Variants in VPS37A observed in about 807,000 individuals in gnomAD.
The protein encoded by VPS37A is vacuolar protein sorting-associated protein 37A.
VPS37A carries 30 observed loss-of-function variants against 49.8 expected under a neutral mutation model. The ratio of observed to expected loss-of-function variants is 0.60; its 90% confidence interval spans 0.45 to 0.82. The LOEUF is 0.82. Among genes scored for constraint, VPS37A ranks in the 40% least tolerant of loss-of-function variants. VPS37A has a pLI of 0.00. For missense variants in VPS37A, 593 were observed against 464.4 expected (o/e 1.28, Z -2.55); for synonymous variants, 195 against 160.6 (o/e 1.21, Z -1.62).
At position 17,247,011 on chromosome 8, in the gene VPS37A, T is replaced by TG. The variant is rs1451791026; in HGVS notation, c.-231dup. The TG allele has an allele frequency of 5.3e-6, 3 of 570,312 alleles. No individual in the cohort carries two copies. The highest frequency in any genetic ancestry group is 2.0e-5 in the South Asian group (1 of 49,408). 35.3% of individuals were successfully genotyped at this position (570,312 alleles called of 1,614,324 possible). ...GGTTTGGGCGTCTGGGCCGTGAAGG[T>TG]GGGACCTCCTGTTCCGGGCCGCAAG... On this transcript the variant is annotated 5_prime_UTR_variant, in exon 1 of 12. Transcript: ENST00000324849.
Position 17,267,467 on chromosome 8 carries a change from T to TTGTGTG in VPS37A, c.201-777_201-772dup, listed in dbSNP as rs10688047. Among the ~76,000 whole-genome samples, 2,062 of 151,412 alleles carry TTGTGTG rather than the reference T, an allele frequency of 0.014. 126 individuals carry two copies. In the East Asian group the frequency reaches 0.17, roughly 13 times the overall value. ...GTTCAAAAAAGGTTAAAATTTCTGC[T>TTGTGTG]TGTGTGTGTGTGTGTGTGTTGAAAA... On this transcript the variant is annotated intron_variant, in intron 2 of 11. Transcript: ENST00000324849.
At chr8:17,311,401 A>G in the VPS37A span, 1 of 1,454,944 alleles carries the variant, frequency 6.9e-7, no homozygotes, top group Non-Finnish European at 9.4e-7. Context: ...TGAGCTACTA[A>G]AAGAAAAATA....
At chr8:17,252,107 A>G (rs1384341777) in intron 1 of VPS37A, among the ~76,000 whole-genome samples, 1 of 152,210 alleles carries the variant, frequency 6.6e-6, no homozygotes, top group East Asian at 1.9e-4. Context: ...ATATATTTTT[A>G]TGAAAAGCAT....
At chr8:17,281,814 G>A (rs1227066588) in intron 9 of VPS37A, among the ~76,000 whole-genome samples, 1 of 152,034 alleles carries the variant, frequency 6.6e-6, no homozygotes, top group African/African-American at 2.4e-5. Context: ...GAACAAAATT[G>A]TAAAGTACTT....
the VPS37A span, among the ~76,000 whole-genome samples, chr8:17,320,466 T>G: frequency 6.6e-6 from 1 of 152,108 alleles, no homozygotes; most frequent in African/African-American, 2.4e-5. Context: ...GAGAGCTGGC[T>G]TAAAGCTGGC....
the VPS37A span, among the ~76,000 whole-genome samples, chr8:17,319,917 T>C: frequency 6.6e-6 from 1 of 152,140 alleles, no homozygotes; most frequent in Admixed American, 6.6e-5. Context: ...AATACAGGAC[T>C]CACTAGTCAC....
chr8:17,316,117 C>T, the VPS37A span, among the ~76,000 whole-genome samples: 1 of 152,308 alleles, frequency 6.6e-6, no homozygotes, highest in East Asian at 1.9e-4. Context: ...CCTTTCACTA[C>T]TTACATACTA....
In VPS37A at chr8:17,263,641, A is replaced by G. The variant is rs142621593; in HGVS notation, c.126-2266A>G. 5.3e-3 allele frequency among the ~76,000 whole-genome samples: 804 copies of G among 152,362 alleles called. 8 individuals are homozygous for G. The highest frequency in any genetic ancestry group is 0.018 in the African/African-American group (764 of 41,590). On this transcript the variant is annotated intron_variant, in intron 1 of 11. Coordinates refer to ENST00000324849, the MANE Select transcript of VPS37A (RefSeq NM_152415.3). ...TCAAATTTATTTTAATATGTTTTCA[A>G]TGAAAATTTTCTATAAAAATCTGAA...
At chr8:17,248,301 G>T (rs774899371) in intron 1 of VPS37A, 26 of 410,544 alleles carry the variant, frequency 6.3e-5, no homozygotes, top group East Asian at 5.4e-4. Flanking sequence ...CGGCTCTCCT[G>T]TTGCCCAGGC....
At chr8:17,254,738 T>C (rs547498057) in intron 1 of VPS37A, among the ~76,000 whole-genome samples, 59 of 152,322 alleles carry the variant, frequency 3.9e-4, no homozygotes, top group African/African-American at 1.3e-3. Context: ...AGCACTGTTA[T>C]GGATTTGCTT....
At chr8:17,248,260 C>CT (rs1366680455) in intron 1 of VPS37A, 1 of 426,698 alleles carries the variant, frequency 2.3e-6, no homozygotes, top group Non-Finnish European at 4.6e-6. Context: ...GTCCCTAACC[C>CT]CTTTTTTTTT....
At chr8:17,262,144 G>A (rs748843013) in intron 1 of VPS37A, among the ~76,000 whole-genome samples, 10 of 152,190 alleles carry the variant, frequency 6.6e-5, no homozygotes, top group East Asian at 1.9e-4. Flanking sequence ...ATGGAAGTCC[G>A]ATTCTCTTAC....
the VPS37A span, among the ~76,000 whole-genome samples, chr8:17,321,364 C>T: frequency 6.6e-6 from 1 of 152,188 alleles, no homozygotes; most frequent in Non-Finnish European, 1.5e-5. Context: ...TGGCTCTCAC[C>T]ATGTCAGCAC....
downstream of VPS37A, chr8:17,300,080 A>G (rs745360913): frequency 3.7e-6 from 6 of 1,614,038 alleles, no homozygotes; most frequent in African/African-American, 2.7e-5. Flanking sequence ...CGGGATGGAA[A>G]TGATTTCATA....
chr8:17,311,403 A>G, the VPS37A span: 1 of 1,467,972 alleles, frequency 6.8e-7, no homozygotes, highest in Non-Finnish European at 9.3e-7. Flanking sequence ...AGCTACTAAA[A>G]GAAAAATAAT....
At chr8:17,259,889 T>C (rs1007199405) in intron 1 of VPS37A, among the ~76,000 whole-genome samples, 3 of 152,146 alleles carry the variant, frequency 2.0e-5, no homozygotes, top group Non-Finnish European at 2.9e-5. Flanking sequence ...GTATAGCTGC[T>C]CCTGCTCCTT....
At chr8:17,255,351 G>A (rs190638984) in intron 1 of VPS37A, among the ~76,000 whole-genome samples, 14 of 151,914 alleles carry the variant, frequency 9.2e-5, no homozygotes, top group Non-Finnish European at 1.9e-4. Flanking sequence ...CATGGTAGCA[G>A]GCGCCTGTAA....
At chr8:17,283,755 G>C (rs1286497462) in intron 9 of VPS37A, among the ~76,000 whole-genome samples, 4 of 152,152 alleles carry the variant, frequency 2.6e-5, no homozygotes, top group African/African-American at 9.7e-5. Context: ...AACTTTGTTA[G>C]TAACTTGACA....
At chr8:17,304,412 T>G (rs184457832), downstream of VPS37A, 24 of 1,613,888 alleles carry the variant, frequency 1.5e-5, no homozygotes, top group African/African-American at 2.7e-4. Context: ...TGTAGGGAGA[T>G]GAAGGGTTCC....
Sources: allele counts gnomAD v4.1 joint callset (sites outside exome capture counted in the v4.1 genomes callset), GRCh38; gene constraint gnomAD v4.1.1; transcripts MANE v1.5; gene names NCBI Gene and HGNC (gene_info 2026-07-23, HGNC 2026-07-21).